The following CNTNAP4 variants were observed in gnomAD, a reference collection of about 807,000 sequenced individuals.
The protein encoded by CNTNAP4 is contactin-associated protein-like 4.
In CNTNAP4, 98 loss-of-function variants were observed where a neutral mutation model predicts 148.4. That is an observed-to-expected ratio of 0.66 (90% confidence interval 0.56 to 0.78). CNTNAP4 has a LOEUF of 0.78. Ranked by LOEUF, CNTNAP4 falls within the 30% of genes least tolerant of loss-of-function variation. CNTNAP4 has a pLI of 0.00. For synonymous variants in CNTNAP4, 730 were observed against 565.1 expected, an observed-to-expected ratio of 1.29 and a Z score of -4.14; for missense variants, 1,935 against 1,565.6, an observed-to-expected ratio of 1.24 and a Z score of -3.98.
chr16:76,319,472 G>A (rs1175195380), intron 2 of CNTNAP4, among the ~76,000 whole-genome samples: 2 of 152,112 alleles, frequency 1.3e-5, no homozygotes, highest in Non-Finnish European at 1.5e-5. Context: ...ATTTTGCCAC[G>A]TATGTGCTGT....
chr16:76,365,391 T>G (rs1035334768), intron 3 of CNTNAP4, among the ~76,000 whole-genome samples: 2 of 152,156 alleles, frequency 1.3e-5, no homozygotes, highest in African/African-American at 4.8e-5. Flanking sequence ...TTTAAAGTAT[T>G]TTTTGCTAAT....
chr16:76,461,306 T>TA (rs1397940268), intron 8 of CNTNAP4, among the ~76,000 whole-genome samples: 13 of 152,158 alleles, frequency 8.5e-5, no homozygotes, highest in African/African-American at 3.1e-4. Flanking sequence ...CAGGGCCGCT[T>TA]AAGGTCTTTA....
At chr16:76,463,967 A>G (rs1233314390) in intron 9 of CNTNAP4, among the ~76,000 whole-genome samples, 1 of 152,030 alleles carries the variant, frequency 6.6e-6, no homozygotes, top group Non-Finnish European at 1.5e-5. Context: ...CATTTTTTCA[A>G]TTGATGTTCT....
In CNTNAP4 at chr16:76,529,007, A is replaced by G. The variant is rs112253460; in HGVS notation, c.2756-6538A>G. ...AAGGAAGAATAAAATAATGCACAAA[A>G]CCCTTGTATGACTAAGTGATAAGAA... On this transcript the variant is annotated intron_variant, in intron 17 of 23. Transcript: ENST00000611870. 6.6e-5 allele frequency among the ~76,000 whole-genome samples: 10 copies of G among 152,290 alleles called. 1 individual carries two copies. The highest frequency in any genetic ancestry group is 2.4e-4 in the African/African-American group (10 of 41,550).
At chr16:76,381,796 C>T (rs944008349) in intron 3 of CNTNAP4, among the ~76,000 whole-genome samples, 1 of 152,066 alleles carries the variant, frequency 6.6e-6, no homozygotes. Flanking sequence ...TGCGGTGGCT[C>T]ACGCCTGTAA....
intron 4 of CNTNAP4, among the ~76,000 whole-genome samples, chr16:76,434,301 C>G (rs2079732546): frequency 6.6e-6 from 1 of 152,054 alleles, no homozygotes; most frequent in African/African-American, 2.4e-5. Flanking sequence ...TGATATACCC[C>G]TGAGGTAGGA....
chr16:76,544,039 C>T lies in CNTNAP4; in HGVS notation c.3442+3249C>T, dbSNP rs77305917. ...ACAGAGCTTATGGCAGTGGGGATTT[C>T]GATAATCGTGATAACAAAATGTGCC... On this transcript the variant is annotated intron_variant, in intron 21 of 23. Coordinates refer to ENST00000611870, the MANE Select transcript of CNTNAP4 (RefSeq NM_033401.5). Among the ~76,000 whole-genome samples the T allele has an allele frequency of 4.4e-4, 67 of 152,172 alleles. 1 individual carries two copies. The East Asian group carries it at 0.011, about 25-fold the overall frequency.
intron 3 of CNTNAP4, among the ~76,000 whole-genome samples, chr16:76,403,392 C>T (rs987312129): frequency 1.3e-5 from 2 of 152,078 alleles, no homozygotes; most frequent in African/African-American, 4.8e-5. Flanking sequence ...TGCGCCCAGC[C>T]GTGAACACTT....
chr16:76,296,080 G>C (rs1349212025), intron 1 of CNTNAP4, among the ~76,000 whole-genome samples: 2 of 152,184 alleles, frequency 1.3e-5, no homozygotes, highest in African/African-American at 4.8e-5. Flanking sequence ...TTTTGAGATT[G>C]TGTGTGATTT....
At chr16:76,387,267 C>T (rs906353335) in intron 3 of CNTNAP4, among the ~76,000 whole-genome samples, 2 of 152,188 alleles carry the variant, frequency 1.3e-5, no homozygotes, top group African/African-American at 4.8e-5. Flanking sequence ...TCCATTAGGA[C>T]ACACAGCAAT....
At chr16:76,378,608 G>A (rs2015664917) in intron 3 of CNTNAP4, among the ~76,000 whole-genome samples, 1 of 152,234 alleles carries the variant, frequency 6.6e-6, no homozygotes, top group East Asian at 1.9e-4. Context: ...AGACCTTGGT[G>A]TAAGTCTTGG....
At chr16:76,435,587 A>G (rs1264011571) in intron 4 of CNTNAP4, among the ~76,000 whole-genome samples, 3 of 152,072 alleles carry the variant, frequency 2.0e-5, no homozygotes, top group African/African-American at 7.2e-5. Context: ...GCCCTCACAA[A>G]TCTGTTTTGC....
chr16:76,388,192 G>A (rs1368641846), intron 3 of CNTNAP4, among the ~76,000 whole-genome samples: 2 of 152,080 alleles, frequency 1.3e-5, no homozygotes, highest in Non-Finnish European at 2.9e-5. Context: ...GACATTACTG[G>A]GACATTTACC....
intron 4 of CNTNAP4, among the ~76,000 whole-genome samples, chr16:76,441,248 G>T (rs74899386): frequency 1.7e-3 from 255 of 152,184 alleles, no homozygotes; most frequent in African/African-American, 5.9e-3. Context: ...ATGCATCACT[G>T]TGTCTTCCAC....
intron 2 of CNTNAP4, among the ~76,000 whole-genome samples, chr16:76,324,616 G>A (rs557065802): frequency 6.6e-6 from 1 of 152,268 alleles, no homozygotes; most frequent in East Asian, 1.9e-4. Context: ...CAAGGTGACG[G>A]TAGAGTCTAG....
At chr16:76,547,712 G>C (rs1373975688) in intron 21 of CNTNAP4, among the ~76,000 whole-genome samples, 1 of 152,168 alleles carries the variant, frequency 6.6e-6, no homozygotes, top group East Asian at 1.9e-4. Flanking sequence ...GGTGTATTTA[G>C]AGGCGATGAC....
intron 3 of CNTNAP4, among the ~76,000 whole-genome samples, chr16:76,407,133 C>A (rs1413477792): frequency 4.6e-5 from 7 of 152,058 alleles, no homozygotes; most frequent in African/African-American, 1.7e-4. Flanking sequence ...TTCTGAAAAT[C>A]CTAGGACACG....
At chr16:76,467,152 A>G (rs1208788868) in intron 9 of CNTNAP4, among the ~76,000 whole-genome samples, 200 bp from the exon 10 acceptor site, 3 of 152,198 alleles carry the variant, frequency 2.0e-5, no homozygotes, top group Non-Finnish European at 2.9e-5. Context: ...CTTCCTGGGA[A>G]TGCTATGTAA....
chr16:76,353,098 A>C (rs1380992835), intron 2 of CNTNAP4, among the ~76,000 whole-genome samples: 2 of 151,084 alleles, frequency 1.3e-5, no homozygotes, highest in African/African-American at 5.0e-5. Context: ...AGAGAAAATT[A>C]AAAGTCAAAA....
Sources: allele counts gnomAD v4.1 joint callset (sites outside exome capture counted in the v4.1 genomes callset), GRCh38; gene constraint gnomAD v4.1.1; transcripts MANE v1.5; gene names NCBI Gene and HGNC (gene_info 2026-07-23, HGNC 2026-07-21).